Variants in PRKN observed in about 807,000 individuals in gnomAD.
The protein encoded by PRKN is E3 ubiquitin-protein ligase parkin.
Under a neutral mutation model 59.5 loss-of-function variants are expected in PRKN, and 56 were observed. The ratio of observed to expected loss-of-function variants is 0.94; its 90% CI spans 0.76 to 1.18. The LOEUF is 1.18. Ranked by LOEUF, PRKN falls within the 50% of genes most tolerant of loss-of-function variation. The probability of loss-of-function intolerance (pLI) is 0.00; values close to 1 mark genes in which losing one functional copy is unlikely to be tolerated. For synonymous variants in PRKN, 250 were observed against 222.1 expected (o/e 1.13, Z -1.12); for missense variants, 657 against 596.4 (o/e 1.10, Z -1.06).
intron 9 of PRKN, among the ~76,000 whole-genome samples, chr6:161,394,935 A>G (rs1260860637): frequency 6.6e-6 from 1 of 152,206 alleles, no homozygotes; most frequent in East Asian, 1.9e-4. Context: ...AAACTTAAAA[A>G]TGTGTATTGG....
At chr6:161,841,495 G>A (rs931764611) in intron 6 of PRKN, among the ~76,000 whole-genome samples, 13 of 151,982 alleles carry the variant, frequency 8.6e-5, no homozygotes, top group Admixed American at 6.6e-4. Flanking sequence ...GATTACAGGC[G>A]TGTGCCACCA....
intron 9 of PRKN, among the ~76,000 whole-genome samples, chr6:161,534,625 G>A (rs1035944729): frequency 1.3e-5 from 2 of 152,206 alleles, no homozygotes; most frequent in Non-Finnish European, 2.9e-5. Context: ...GTTGCCATGC[G>A]GCTATGCTGT....
intron 2 of PRKN, among the ~76,000 whole-genome samples, chr6:162,379,036 C>T (rs1786280911): frequency 6.6e-6 from 1 of 152,174 alleles, no homozygotes; most frequent in African/African-American, 2.4e-5. Context: ...TATTCAAATA[C>T]TTTAAATAGA....
At chr6:162,129,486 AT>A (rs1187264809) in intron 4 of PRKN, among the ~76,000 whole-genome samples, 2 of 152,114 alleles carry the variant, frequency 1.3e-5, no homozygotes, top group Non-Finnish European at 2.9e-5. Flanking sequence ...AGTGCTGTAA[AT>A]TTTTTTCTAG....
chr6:161,516,324 G>T (rs1206396200), intron 9 of PRKN, among the ~76,000 whole-genome samples: 1 of 151,652 alleles, frequency 6.6e-6, no homozygotes, highest in Non-Finnish European at 1.5e-5. Context: ...AAAATTAGCT[G>T]GGTGTGATGG....
intron 8 of PRKN, 63 bp downstream of exon 8, chr6:161,569,292 A>G: frequency 1.3e-6 from 2 of 1,488,864 alleles, no homozygotes; most frequent in Non-Finnish European, 1.9e-6. Context: ...GGGGAGCCCA[A>G]ACTGTCTCAT....
At chr6:161,594,477 C>T (rs1383552467) in intron 7 of PRKN, among the ~76,000 whole-genome samples, 1 of 152,184 alleles carries the variant, frequency 6.6e-6, no homozygotes, top group African/African-American at 2.4e-5. Context: ...CTTTGAACAA[C>T]AAATTCATGT....
rs530249881 is a variant in PRKN at position 161,818,147 on chromosome 6, G to A, written c.735-32239C>T. On this transcript the variant is annotated intron_variant, in intron 6 of 11. Transcript: ENST00000366898. The stretch of plus-strand genomic sequence containing the variant: ...ATTGGGTAGGGGGAAATGGACAGCT[G>A]TGAGGTGACTGCTTTGAGCTCTCCT... 9.3e-4 allele frequency among the ~76,000 whole-genome samples: 141 copies of A among 152,236 alleles called. 1 individual carries two copies. Among genetic ancestry groups the A allele is most frequent in the African/African-American group, 3.3e-3 (139 of 41,528 alleles).
intron 1 of PRKN, among the ~76,000 whole-genome samples, chr6:162,579,822 A>G (rs915028480): frequency 1.3e-5 from 2 of 152,182 alleles, no homozygotes; most frequent in African/African-American, 4.8e-5. Flanking sequence ...TTGGGCTTAT[A>G]TTGTAACTAT....
chr6:162,533,782 C>T (rs1344238723), intron 1 of PRKN, among the ~76,000 whole-genome samples: 1 of 151,900 alleles, frequency 6.6e-6, no homozygotes, highest in Non-Finnish European at 1.5e-5. Context: ...ATCAGCCTGG[C>T]CAACATGGTA....
rs1258760694 is a variant in PRKN at position 162,010,603 on chromosome 6, T to C, written c.619-37186A>G. Among the ~76,000 whole-genome samples, 29 of 10,602 alleles carry C rather than the reference T, an allele frequency of 2.7e-3. 10 individuals are homozygous for C. The highest frequency in any genetic ancestry group is 0.013 in the Admixed American group (4 of 302). 7.0% of individuals were successfully genotyped at this position (10,602 alleles called of 152,430 possible). A position where few individuals can be genotyped will look rare whatever the true frequency, so the allele number is the denominator to read the frequency against. On this transcript the variant is annotated intron_variant, in intron 5 of 11. Transcript: ENST00000366898. ...ATTATATTATATATAATATAATATA[T>C]ATTATATAATATATTATATTATATA...
intron 7 of PRKN, among the ~76,000 whole-genome samples, chr6:161,615,851 C>T (rs972684159): frequency 2.0e-5 from 3 of 152,228 alleles, no homozygotes; most frequent in African/African-American, 7.2e-5. Flanking sequence ...TGCCTTCACA[C>T]AACATCATGA....
intron 6 of PRKN, among the ~76,000 whole-genome samples, chr6:161,868,199 C>T (rs552751921): frequency 6.6e-6 from 1 of 152,218 alleles, no homozygotes; most frequent in African/African-American, 2.4e-5. Flanking sequence ...GTATAACTAG[C>T]TACCAATTTA....
chr6:162,304,205 C>T (rs1262170229), intron 2 of PRKN, among the ~76,000 whole-genome samples: 1 of 150,532 alleles, frequency 6.6e-6, no homozygotes, highest in African/African-American at 2.5e-5. Context: ...TCTTATGTTG[C>T]CGCAATCCCC....
intron 1 of PRKN, among the ~76,000 whole-genome samples, chr6:162,536,274 T>C (rs1171167141): frequency 5.9e-5 from 9 of 152,152 alleles, no homozygotes; most frequent in Non-Finnish European, 1.3e-4. Flanking sequence ...TCTGTGTTTC[T>C]GGATGCATAA....
intron 2 of PRKN, among the ~76,000 whole-genome samples, chr6:162,438,667 T>C (rs969428641): frequency 1.3e-5 from 2 of 152,176 alleles, no homozygotes; most frequent in Non-Finnish European, 1.5e-5. Context: ...AGAACAATGT[T>C]AGCCCTATAG....
chr6:162,284,078 G>A (rs968677392), intron 2 of PRKN, among the ~76,000 whole-genome samples: 1 of 152,038 alleles, frequency 6.6e-6, no homozygotes, highest in Non-Finnish European at 1.5e-5. Context: ...GGCAACCACA[G>A]CCTAAATGCA....
At chr6:161,874,162 A>G (rs529658770) in intron 6 of PRKN, among the ~76,000 whole-genome samples, 304 of 37,634 alleles carry the variant, frequency 8.1e-3, no homozygotes, top group Non-Finnish European at 0.01. Flanking sequence ...TATATTATAT[A>G]TAATATATAA....
intron 1 of PRKN, among the ~76,000 whole-genome samples, chr6:162,695,713 T>A (rs1016127541): frequency 1.3e-5 from 2 of 152,236 alleles, no homozygotes; most frequent in East Asian, 3.8e-4. Context: ...AATAGTCTTT[T>A]GTAATTTAAG....
Sources: gnomAD v4.1 joint callset for allele counts (sites outside exome capture counted in the v4.1 genomes callset) on GRCh38, gnomAD v4.1.1 for gene constraint, MANE v1.5 for transcripts, NCBI Gene and HGNC (gene_info 2026-07-23, HGNC 2026-07-21) for gene names.